Variants in MTA3 observed in about 807,000 individuals in gnomAD.
MTA3 encodes the protein metastasis-associated protein MTA3.
MTA3 carries 34 observed loss-of-function variants against 83.5 expected under a neutral mutation model. The observed-to-expected ratio is 0.41, with a 90% CI of 0.31 to 0.54. MTA3 has a LOEUF of 0.54. Ranked by LOEUF, MTA3 falls within the 20% of genes least tolerant of loss-of-function variation. The pLI, the probability that MTA3 is intolerant of heterozygous loss-of-function variation, is 0.33. For synonymous variants in MTA3, 303 were observed against 252.7 expected (o/e 1.20, Z -1.89); for missense variants, 761 against 726.4 (o/e 1.05, Z -0.55).
chr2:42,755,430 C>A lies in MTA3; in HGVS notation c.*2031C>A. ...GTCTGAAGCAGGAGAAGGGAGGCCC[C>A]TCCTATCTACCCAGTTGACATTTGG... On this transcript the variant is annotated 3_prime_UTR_variant, in exon 17 of 17. Coordinates refer to ENST00000405094, the MANE Select transcript of MTA3 (RefSeq NM_001330442.2). 1 of 985,468 alleles carries A rather than the reference C, an allele frequency of 1.0e-6. No individual in the cohort carries two copies. The highest frequency in any genetic ancestry group is 1.2e-6 in the Non-Finnish European group (1 of 829,942). 61.0% of individuals were successfully genotyped at this position (985,468 alleles called of 1,614,324 possible).
chr2:42,669,456 A>G (rs928687983), intron 8 of MTA3, among the ~76,000 whole-genome samples: 1 of 152,192 alleles, frequency 6.6e-6, no homozygotes, highest in Admixed American at 6.5e-5. Flanking sequence ...CAAAATGGAC[A>G]TAAAATTGAT....
chr2:42,571,675 C>T (rs527570660), intron 2 of MTA3, among the ~76,000 whole-genome samples: 23 of 152,110 alleles, frequency 1.5e-4, no homozygotes, highest in African/African-American at 2.4e-4. Context: ...TGGGCGGGTG[C>T]GGTGGCTCAC....
chr2:42,711,185 C>G (rs1026440031), intron 14 of MTA3, among the ~76,000 whole-genome samples: 1 of 152,236 alleles, frequency 6.6e-6, no homozygotes, highest in African/African-American at 2.4e-5. Context: ...TGTCCTAGGA[C>G]TAGAAGAGAA....
intron 2 of MTA3, among the ~76,000 whole-genome samples, chr2:42,528,215 G>A (rs936434006): frequency 7.1e-6 from 1 of 140,834 alleles, no homozygotes; most frequent in Non-Finnish European, 1.5e-5. Flanking sequence ...GTGAGCCACC[G>A]TGCCCGGCCC....
chr2:42,667,534 G>GT (rs1322737901), intron 8 of MTA3, among the ~76,000 whole-genome samples: 1 of 143,020 alleles, frequency 7.0e-6, no homozygotes, highest in African/African-American at 2.6e-5. Context: ...GTTCATTAAT[G>GT]TTGTACCATG....
chr2:42,665,181 A>G lies in MTA3; in HGVS notation c.702+5319A>G, dbSNP rs561642356. On this transcript the variant is annotated intron_variant, in intron 8 of 16. Coordinates refer to ENST00000405094, the MANE Select transcript of MTA3 (RefSeq NM_001330442.2). ...TTGGGAGGCCAAGGCAGGTGGGTCA[A>G]AGGAGTTCGAGACCAGCCTGGGCAA... 5.9e-5 allele frequency among the ~76,000 whole-genome samples: 9 copies of G among 152,128 alleles called. No homozygotes were observed. The South Asian group carries it at 1.7e-3, about 28-fold the overall frequency.
Position 42,695,246 on chromosome 2 carries a change from T to C in MTA3, c.892-519T>C, listed in dbSNP as rs925814147. 2.6e-5 allele frequency among the ~76,000 whole-genome samples: 4 copies of C among 152,322 alleles called. No individual in the cohort carries two copies. In the South Asian group the frequency reaches 6.2e-4, roughly 24 times the overall value. On this transcript the variant is annotated intron_variant, in intron 9 of 16. Coordinates refer to ENST00000405094, the MANE Select transcript of MTA3 (RefSeq NM_001330442.2). Reference sequence around the variant, plus strand: ...CATTCCATACTGAATATGACTTGTTTGGGGTACCGTTTGCTAAGGATTAAT... The same window carrying C: ...CATTCCATACTGAATATGACTTGTTCGGGGTACCGTTTGCTAAGGATTAAT...
chr2:42,741,769 A>G (rs1669049979), intron 16 of MTA3, among the ~76,000 whole-genome samples: 1 of 152,226 alleles, frequency 6.6e-6, no homozygotes, highest in Non-Finnish European at 1.5e-5. Context: ...GGCCCAAAAC[A>G]ATTACAATAG....
At chr2:42,552,472 C>T (rs1184523452) in intron 2 of MTA3, among the ~76,000 whole-genome samples, 1 of 151,914 alleles carries the variant, frequency 6.6e-6, no homozygotes, top group East Asian at 1.9e-4. Context: ...GACTCCTAGC[C>T]CCAGGGGGTG....
chr2:42,507,973 A>G (rs1490936554), intron 2 of MTA3, among the ~76,000 whole-genome samples: 1 of 151,348 alleles, frequency 6.6e-6, no homozygotes, highest in African/African-American at 2.4e-5. Flanking sequence ...AAAGAAACCT[A>G]GTTAAAAAAA....
chr2:42,542,611 G>C (rs1367581204), intron 2 of MTA3, among the ~76,000 whole-genome samples: 1 of 152,042 alleles, frequency 6.6e-6, no homozygotes. Context: ...GAGTGTAGTG[G>C]CATGACCTTA....
At chr2:42,516,812 A>G (rs919534881) in intron 2 of MTA3, among the ~76,000 whole-genome samples, 2 of 152,234 alleles carry the variant, frequency 1.3e-5, no homozygotes, top group African/African-American at 4.8e-5. Flanking sequence ...ACCTTAGGTC[A>G]GGAAATAATG....
At chr2:42,536,200 G>A (rs537135189) in intron 2 of MTA3, among the ~76,000 whole-genome samples, 42 of 151,566 alleles carry the variant, frequency 2.8e-4, no homozygotes, top group African/African-American at 9.7e-4. Flanking sequence ...TAGGCTGGGC[G>A]CAGTTGCTCA....
intron 16 of MTA3, among the ~76,000 whole-genome samples, chr2:42,724,277 A>C (rs6758124): frequency 0.12 from 8,468 of 73,076 alleles, 568 homozygotes; most frequent in African/African-American, 0.17. Context: ...AGTCCTGAAA[A>C]ACACACACAC....
chr2:42,516,002 G>A (rs565153391), intron 2 of MTA3, among the ~76,000 whole-genome samples: 3 of 151,190 alleles, frequency 2.0e-5, no homozygotes, highest in Non-Finnish European at 2.9e-5. Flanking sequence ...CACCATGCCC[G>A]GCTAATTTTT....
At chr2:42,560,539 G>A (rs1677618139) in intron 2 of MTA3, among the ~76,000 whole-genome samples, 1 of 150,672 alleles carries the variant, frequency 6.6e-6, no homozygotes, top group Non-Finnish European at 1.5e-5. Flanking sequence ...GCAACAGAGT[G>A]AGACTCCATC....
chr2:42,625,800 A>AT (rs1262607117), intron 4 of MTA3, among the ~76,000 whole-genome samples: 1 of 150,896 alleles, frequency 6.6e-6, no homozygotes, highest in Non-Finnish European at 1.5e-5. Context: ...CTCACCAGTC[A>AT]TTTTAATAAA....
intron 8 of MTA3, among the ~76,000 whole-genome samples, chr2:42,662,169 CACA>C (rs1356072872): frequency 6.6e-6 from 1 of 152,074 alleles, no homozygotes; most frequent in East Asian, 1.9e-4. Context: ...TATAATACTA[CACA>C]ACATTATTTA....
chr2:42,555,077 C>T (rs1028561202), intron 2 of MTA3, among the ~76,000 whole-genome samples: 2 of 151,886 alleles, frequency 1.3e-5, no homozygotes, highest in African/African-American at 2.4e-5. Flanking sequence ...CGCTGGAACC[C>T]AGGAGGAGGA....
Sources: gnomAD v4.1 joint callset for allele counts (sites outside exome capture counted in the v4.1 genomes callset) on GRCh38, gnomAD v4.1.1 for gene constraint, MANE v1.5 for transcripts, NCBI Gene and HGNC (gene_info 2026-07-23, HGNC 2026-07-21) for gene names.